The following DCC variants were observed in gnomAD, a reference collection of about 807,000 sequenced individuals.
DCC encodes the protein DCC netrin 1 receptor.
A neutral mutation model predicts 172.5 loss-of-function variants in DCC; 58 were observed. That is an observed-to-expected ratio of 0.34 (90% CI 0.27 to 0.42). The LOEUF (loss-of-function observed/expected upper bound fraction) is 0.42, where lower values mean the gene tolerates loss of function less well. Ranked by LOEUF, DCC falls within the 10% of genes least tolerant of loss-of-function variation. The probability of loss-of-function intolerance (pLI) is 1.00; values close to 1 mark genes in which losing one functional copy is unlikely to be tolerated. For missense variants in DCC, 1,740 were observed against 1,791.0 expected (o/e 0.97, Z 0.51); for synonymous variants, 709 against 644.5 (o/e 1.10, Z -1.52).
intron 2 of DCC, among the ~76,000 whole-genome samples, chr18:52,851,905 T>G (rs2145341382): frequency 6.6e-6 from 1 of 152,226 alleles, no homozygotes; most frequent in East Asian, 1.9e-4. Context: ...CACCAGATAA[T>G]CATCTTATAA....
At chr18:53,047,851 T>C (rs1437714489) in intron 5 of DCC, among the ~76,000 whole-genome samples, 3 of 151,728 alleles carry the variant, frequency 2.0e-5, no homozygotes, top group African/African-American at 7.3e-5. Flanking sequence ...TAATACATAA[T>C]TGAATACATG....
intron 1 of DCC, among the ~76,000 whole-genome samples, chr18:52,431,913 C>T (rs1457550014): frequency 6.6e-6 from 1 of 152,116 alleles, no homozygotes; most frequent in Non-Finnish European, 1.5e-5. Flanking sequence ...TCCCTTGGAG[C>T]TCAACTAGAG....
intron 7 of DCC, among the ~76,000 whole-genome samples, chr18:53,129,750 A>C (rs7228703): frequency 0.48 from 73,177 of 151,676 alleles, 18,228 homozygotes; most frequent in South Asian, 0.67. Context: ...TGATTAATAT[A>C]TGAACGCTTT....
chr18:52,929,122 G>A (rs186507898), intron 5 of DCC, among the ~76,000 whole-genome samples: 138 of 152,220 alleles, frequency 9.1e-4, no homozygotes, highest in African/African-American at 3.2e-3. Flanking sequence ...CCTCTCTAGG[G>A]AAGAAAATAT....
In DCC at chr18:52,552,484, T is replaced by G. The variant is rs1309271220; in HGVS notation, c.92-199570T>G. 4.6e-5 allele frequency among the ~76,000 whole-genome samples: 7 copies of G among 152,116 alleles called. No individual in the cohort carries two copies. The East Asian group carries it at 1.4e-3, about 29-fold the overall frequency. On this transcript the variant is annotated intron_variant, in intron 1 of 28. Coordinates refer to ENST00000442544, the MANE Select transcript of DCC (RefSeq NM_005215.4). ...TGTGGCAGTCAATAAAGAACAGAAT[T>G]TTTTAAATGAAAAAGTTAAGCTGTT...
chr18:53,331,286 A>G lies in DCC; in HGVS notation c.2165-8427A>G, dbSNP rs7231389. Among the ~76,000 whole-genome samples, 1,344 of 152,340 alleles carry G rather than the reference A, an allele frequency of 8.8e-3. 13 individuals are homozygous for G. Among genetic ancestry groups the G allele is most frequent in the Non-Finnish European group, 0.016 (1,057 of 68,032 alleles). Reference sequence around the variant, plus strand: ...GAGCATACGGTTTGAATCCACTTCAAGGAAAATGAGCCTAAAGAATTCATT... The same window carrying G: ...GAGCATACGGTTTGAATCCACTTCAGGGAAAATGAGCCTAAAGAATTCATT... On this transcript the variant is annotated intron_variant, in intron 14 of 28. Coordinates refer to ENST00000442544, the MANE Select transcript of DCC (RefSeq NM_005215.4).
rs148889986 is a variant in DCC, at chr18:52,672,247, C to T, written c.92-79807C>T. Among the ~76,000 whole-genome samples, 938 of 152,216 alleles carry T rather than the reference C, an allele frequency of 6.2e-3. 12 individuals are homozygous for T. The highest frequency in any genetic ancestry group is 0.014 in the Middle Eastern group (4 of 294). On this transcript the variant is annotated intron_variant, in intron 1 of 28. Coordinates refer to ENST00000442544, the MANE Select transcript of DCC (RefSeq NM_005215.4). ...CATATTTAACAATAAAATTTTTAAA[C>T]GAATATTTGTTTTAAATAGTTCTAT... is the stretch of plus-strand genomic sequence containing the variant.
chr18:53,459,620 TTA>T, intron 24 of DCC, among the ~76,000 whole-genome samples, 162 bp downstream of exon 24: 1 of 152,322 alleles, frequency 6.6e-6, no homozygotes, highest in East Asian at 1.9e-4. Context: ...GATTAACCAA[TTA>T]TATGTCTTTC....
At chr18:53,244,393 T>A (rs73957121) in intron 12 of DCC, among the ~76,000 whole-genome samples, 6,442 of 152,222 alleles carry the variant, frequency 0.042, 421 homozygotes, top group African/African-American at 0.14. Context: ...CTAGTACAGA[T>A]ATGTTTTGGT....
At chr18:52,715,630 C>G (rs575201814) in intron 1 of DCC, among the ~76,000 whole-genome samples, 1 of 152,164 alleles carries the variant, frequency 6.6e-6, no homozygotes, top group South Asian at 2.1e-4. Context: ...CTGAGGCTGA[C>G]TTCCGAGGGC....
intron 5 of DCC, among the ~76,000 whole-genome samples, chr18:53,050,013 A>C (rs141110950): frequency 3.8e-4 from 58 of 152,210 alleles, no homozygotes; most frequent in Non-Finnish European, 6.5e-4. Context: ...AAGGCCTGAG[A>C]GCGCCTGGCA....
chr18:53,023,006 C>G (rs1001493372), intron 5 of DCC, among the ~76,000 whole-genome samples: 2 of 151,976 alleles, frequency 1.3e-5, no homozygotes, highest in African/African-American at 4.8e-5. Flanking sequence ...CGCTATAAAT[C>G]TCGACTTTTT....
At chr18:53,437,811 T>A (rs1912047720) in intron 22 of DCC, among the ~76,000 whole-genome samples, 1 of 152,148 alleles carries the variant, frequency 6.6e-6, no homozygotes, top group South Asian at 2.1e-4. Flanking sequence ...AGTCAAGAAA[T>A]GCGACTAAGC....
At chr18:52,614,412 A>C (rs2034337905) in intron 1 of DCC, among the ~76,000 whole-genome samples, 1 of 152,216 alleles carries the variant, frequency 6.6e-6, no homozygotes, top group African/African-American at 2.4e-5. Context: ...CTGACAGTAA[A>C]GAAATACTTT....
intron 1 of DCC, among the ~76,000 whole-genome samples, chr18:52,728,285 T>C (rs533521738): frequency 6.6e-6 from 1 of 152,196 alleles, no homozygotes; most frequent in Non-Finnish European, 1.5e-5. Context: ...TTATAAATTA[T>C]TCATTCCCTG....
chr18:53,520,648 T>C (rs2046389432), intron 27 of DCC, among the ~76,000 whole-genome samples: 1 of 151,690 alleles, frequency 6.6e-6, no homozygotes, highest in Non-Finnish European at 1.5e-5. Flanking sequence ...GCTTGAAATA[T>C]TGAACACTGA....
rs546233030 is a variant in DCC at position 52,539,381 on chromosome 18, G to A, written c.91+198503G>A. Among the ~76,000 whole-genome samples, 15 of 152,176 alleles carry A rather than the reference G, an allele frequency of 9.9e-5. No homozygotes were observed. The South Asian group carries it at 1.9e-3, about 19-fold the overall frequency. On this transcript the variant is annotated intron_variant, in intron 1 of 28. Coordinates refer to ENST00000442544, the MANE Select transcript of DCC (RefSeq NM_005215.4). ...CCAGGAGTCCCCAAACCCCCAGGCC[G>A]TGGACTAGTATTGGTCCATGGCATG...
At chr18:53,091,506 C>T (rs989551506) in intron 7 of DCC, among the ~76,000 whole-genome samples, 10 of 151,420 alleles carry the variant, frequency 6.6e-5, no homozygotes, top group South Asian at 4.2e-4. Flanking sequence ...TTCTGGTGAC[C>T]GGCTGAGTTT....
chr18:52,737,093 G>A (rs1358070877), intron 1 of DCC, among the ~76,000 whole-genome samples: 2 of 152,114 alleles, frequency 1.3e-5, no homozygotes, highest in Non-Finnish European at 2.9e-5. Context: ...TAAATTTTAG[G>A]CTTTTACTAT....
Sources: allele counts gnomAD v4.1 joint callset (sites outside exome capture counted in the v4.1 genomes callset), GRCh38; gene constraint gnomAD v4.1.1; transcripts MANE v1.5; gene names NCBI Gene and HGNC (gene_info 2026-07-23, HGNC 2026-07-21).